PXDN: variants seen among roughly 807,000 people sequenced by gnomAD.
PXDN encodes peroxidasin.
Under a neutral mutation model 140.3 loss-of-function variants are expected in PXDN, and 77 were observed. The observed-to-expected ratio is 0.55, with a 90% CI of 0.46 to 0.66. The LOEUF is 0.66. PXDN is among the 30% of genes least tolerant of loss of function. The probability of loss-of-function intolerance (pLI) is 0.00; values close to 1 mark genes in which losing one functional copy is unlikely to be tolerated. For missense variants in PXDN, 1,838 were observed against 2,039.5 expected (o/e 0.90, Z 1.90); for synonymous variants, 911 against 857.4 (o/e 1.06, Z -1.09).
intron 8 of PXDN, 75 bp from the exon 9 acceptor site, chr2:1,673,887 G>A (rs1683635897): frequency 2.6e-6 from 4 of 1,513,970 alleles, no homozygotes. Flanking sequence ...CAGCACAGGG[G>A]TTTCCAGCCC....
intron 1 of PXDN, among the ~76,000 whole-genome samples, chr2:1,720,186 GCACAGAGA>G (rs1685000436): frequency 1.2e-4 from 6 of 49,430 alleles, no homozygotes; most frequent in Non-Finnish European, 1.5e-4. Flanking sequence ...AGAGAGAGAT[GCACAGAGA>G]GAGGGAGGGA....
At chr2:1,658,083 T>TCTCTCTCTCCCCCC (rs1553359702) in intron 14 of PXDN, among the ~76,000 whole-genome samples, 2 of 77,752 alleles carry the variant, frequency 2.6e-5, no homozygotes, top group East Asian at 8.0e-4. Context: ...TCTCTCTCTC[T>TCTCTCTCTCCCCCC]CTCTCTCTCT....
chr2:1,660,034 G>A lies in PXDN; in HGVS notation c.1837+847C>T, dbSNP rs891646693. Among the ~76,000 whole-genome samples, 1 of 152,196 alleles carries A rather than the reference G, an allele frequency of 6.6e-6. No homozygotes were observed. The highest frequency in any genetic ancestry group is 1.5e-5 in the Non-Finnish European group (1 of 68,042). The stretch of plus-strand genomic sequence containing the variant: ...CCAGAGGGTCCTTTACCCCGTGAAG[G>A]GGGGTTTGTGCGCGTTCTCAGAGTG... On this transcript the variant is annotated intron_variant, in intron 14 of 22. Coordinates refer to ENST00000252804, the MANE Select transcript of PXDN (RefSeq NM_012293.3). The surrounding 1 kb of genome is among the most constrained non-coding windows in gnomAD (Gnocchi z 4.6).
At chr2:1,734,175 A>G (rs1397863943) in intron 1 of PXDN, among the ~76,000 whole-genome samples, 1 of 152,248 alleles carries the variant, frequency 6.6e-6, no homozygotes, top group Non-Finnish European at 1.5e-5. Context: ...GAAATAAGTT[A>G]AAAATTGCAA....
chr2:1,694,474 G>C (rs144075826), intron 1 of PXDN, among the ~76,000 whole-genome samples: 103 of 152,174 alleles, frequency 6.8e-4, no homozygotes, highest in African/African-American at 2.4e-3. Context: ...CTGTGCTGTG[G>C]GTCAAGTTCT....
intron 1 of PXDN, among the ~76,000 whole-genome samples, chr2:1,695,219 C>T (rs1163809535): frequency 1.3e-5 from 2 of 152,250 alleles, no homozygotes; most frequent in East Asian, 3.8e-4. Flanking sequence ...ACCTTCCTGA[C>T]ATGCAGGCCT....
Position 1,694,066 on chromosome 2 carries a change from CAGAA to C in PXDN, c.201-936_201-933del, listed in dbSNP as rs546869925. ...GGTATAGAAACCACTGAAAAATAAA[CAGAA>C]AGACCAATTTCTTTATCAAATACTC... On this transcript the variant is annotated intron_variant, in intron 1 of 22. Coordinates refer to ENST00000252804, the MANE Select transcript of PXDN (RefSeq NM_012293.3). 7.7e-4 allele frequency among the ~76,000 whole-genome samples: 118 copies of C among 152,322 alleles called. 2 individuals carry two copies. The Middle Eastern group carries it at 0.014, about 18-fold the overall frequency.
At chr2:1,738,792 C>T (rs1685474968) in intron 1 of PXDN, among the ~76,000 whole-genome samples, 1 of 152,190 alleles carries the variant, frequency 6.6e-6, no homozygotes, top group Non-Finnish European at 1.5e-5. Context: ...GGCAATCTGC[C>T]CGCCTTGGCC....
chr2:1,655,648 C>G (rs890596900), intron 14 of PXDN, among the ~76,000 whole-genome samples: 7 of 151,404 alleles, frequency 4.6e-5, no homozygotes, highest in African/African-American at 1.7e-4. Context: ...AGGAACCTGC[C>G]TTCTCCTGAC....
intron 1 of PXDN, among the ~76,000 whole-genome samples, chr2:1,733,000 C>T (rs565619092): frequency 6.6e-6 from 1 of 152,256 alleles, no homozygotes; most frequent in Admixed American, 6.5e-5. Flanking sequence ...GAAAGAAAGA[C>T]TTGTTACTTT....
chr2:1,692,487 GC>G, intron 2 of PXDN: 1 of 471,570 alleles, frequency 2.1e-6, no homozygotes, highest in South Asian at 1.5e-5. Context: ...CAGTGGATAG[GC>G]GGCCCAGACA....
At chr2:1,720,013 TAG>T (rs142195216) in intron 1 of PXDN, among the ~76,000 whole-genome samples, 1,066 of 3,544 alleles carry the variant, frequency 0.3, 333 homozygotes, top group Middle Eastern at 0.5. Flanking sequence ...GGGAGGGATG[TAG>T]AGAGAGAGAG....
At position 1,660,651 on chromosome 2, in the gene PXDN, G is replaced by A. The variant is rs370587013; in HGVS notation, c.1837+230C>T. 4.9e-4 allele frequency among the ~76,000 whole-genome samples: 74 copies of A among 152,328 alleles called. No homozygotes were observed. The highest frequency in any genetic ancestry group is 1.7e-3 in the African/African-American group (71 of 41,582). On this transcript the variant is annotated intron_variant, in intron 14 of 22. Coordinates refer to ENST00000252804, the MANE Select transcript of PXDN (RefSeq NM_012293.3). This position sits in a 1 kb window ranked among gnomAD's most constrained non-coding sequence, Gnocchi z 4.6. ...CCCAGTGGACAGGCTGCAGGACAAA[G>A]CTCTGCCCCGTGGATGGGCAGCAGG...
At chr2:1,638,063 A>G (rs1682617580) in intron 21 of PXDN, among the ~76,000 whole-genome samples, 1 of 152,174 alleles carries the variant, frequency 6.6e-6, no homozygotes, top group Non-Finnish European at 1.5e-5. Context: ...CCTTGGGGCT[A>G]CACTAGGAGA....
intron 1 of PXDN, among the ~76,000 whole-genome samples, chr2:1,715,315 T>C (rs536734032): frequency 1.8e-4 from 27 of 152,214 alleles, no homozygotes; most frequent in African/African-American, 6.0e-4. Context: ...AACTCCACAT[T>C]TCCCGCTAAG....
rs1025935482 is a variant in PXDN, at chr2:1,714,484, A to G, written c.201-21350T>C. 6.6e-6 allele frequency among the ~76,000 whole-genome samples: 1 copy of G among 152,136 alleles called. No homozygotes were observed. Among genetic ancestry groups the G allele is most frequent in the African/African-American group, 2.4e-5 (1 of 41,458 alleles). ...TCCTCATCACCACCAATCCTCGCCC[A>G]GCAATGACCGCGGGTCCACGCTCAG... is the stretch of plus-strand genomic sequence containing the variant. On this transcript the variant is annotated intron_variant, in intron 1 of 22. Coordinates refer to ENST00000252804, the MANE Select transcript of PXDN (RefSeq NM_012293.3). This position sits in a 1 kb window ranked among gnomAD's most constrained non-coding sequence, Gnocchi z 4.3.
Position 1,687,546 on chromosome 2 carries a change from C to G in PXDN, c.416+86G>C. 1 of 1,062,392 alleles carries G rather than the reference C, an allele frequency of 9.4e-7. No individual in the cohort carries two copies. 65.8% of individuals were successfully genotyped at this position (1,062,392 alleles called of 1,614,324 possible). ...GTAGCATAGTCATGCATCATGCAAA[C>G]AGCTAGCTCACTCCACTGGTCCCTA... On this transcript the variant is annotated intron_variant, in intron 4 of 22. Coordinates refer to ENST00000252804, the MANE Select transcript of PXDN (RefSeq NM_012293.3). The surrounding 1 kb of genome is among the most constrained non-coding windows in gnomAD (Gnocchi z 4.0).
At chr2:1,635,644 T>C in intron 21 of PXDN, 123 bp from the exon 22 acceptor site, 1 of 807,548 alleles carries the variant, frequency 1.2e-6, no homozygotes, top group South Asian at 1.5e-5. Flanking sequence ...GAGGGGAATA[T>C]TTCTGAAGAA....
At chr2:1,659,065 A>C (rs1053320871) in intron 14 of PXDN, among the ~76,000 whole-genome samples, 1 of 152,222 alleles carries the variant, frequency 6.6e-6, no homozygotes, top group African/African-American at 2.4e-5. Context: ...CAGCCCACGA[A>C]GGCATTTGCT....
Sources: gnomAD v4.1 joint callset for allele counts (sites outside exome capture counted in the v4.1 genomes callset) on GRCh38, gnomAD v4.1.1 for gene constraint, Gnocchi (gnomAD v3.1) non-coding constraint, MANE v1.5 for transcripts, NCBI Gene and HGNC (gene_info 2026-07-23, HGNC 2026-07-21) for gene names.